Variants in CAST observed in about 807,000 individuals in gnomAD.
CAST encodes calpastatin.
CAST carries 76 observed loss-of-function variants against 119.6 expected under a neutral mutation model. The ratio of observed to expected loss-of-function variants is 0.64; its 90% CI spans 0.53 to 0.77. CAST has a LOEUF of 0.77. CAST is among the 30% of genes least tolerant of loss of function. The probability of loss-of-function intolerance (pLI) is 0.00; values close to 1 mark genes in which losing one functional copy is unlikely to be tolerated. For synonymous variants in CAST, 319 were observed against 331.6 expected (o/e 0.96, Z 0.41); for missense variants, 953 against 946.5 (o/e 1.01, Z -0.09).
chr5:96,292,198 A>T, the CAST span, among the ~76,000 whole-genome samples: 1 of 152,204 alleles, frequency 6.6e-6, no homozygotes, highest in African/African-American at 2.4e-5. Flanking sequence ...ATGTGAATAG[A>T]TGCTATCCAA....
chr5:96,384,656 G>A, the CAST span, among the ~76,000 whole-genome samples: 2 of 152,318 alleles, frequency 1.3e-5, no homozygotes, highest in Middle Eastern at 3.4e-3. Context: ...TCAGGAGCAT[G>A]GGGATTGTTA....
the CAST span, among the ~76,000 whole-genome samples, chr5:96,482,995 A>G: frequency 6.6e-6 from 1 of 152,298 alleles, no homozygotes; most frequent in Non-Finnish European, 1.5e-5. Flanking sequence ...CAGCCTACAA[A>G]ATAATAGTGT....
At chr5:96,358,071 G>A in the CAST span, among the ~76,000 whole-genome samples, 92 of 152,234 alleles carry the variant, frequency 6.0e-4, no homozygotes, top group Middle Eastern at 3.4e-3. Context: ...GGGTGTGTGT[G>A]TCCAGGAATT....
chr5:96,655,741 A>C (rs1027005781), intron 1 of CAST, among the ~76,000 whole-genome samples: 5 of 152,264 alleles, frequency 3.3e-5, no homozygotes, highest in East Asian at 1.9e-4. Flanking sequence ...GTGAGTCATC[A>C]TCAACAGTTT....
chr5:96,765,328 A>G lies in CAST; in HGVS notation c.2037+3A>G. The G allele has an allele frequency of 1.2e-4, 1 of 8,666 alleles. No homozygotes were observed. The highest frequency in any genetic ancestry group is 2.3e-3 in the South Asian group (1 of 426). 0.5% of individuals were successfully genotyped at this position (8,666 alleles called of 1,614,324 possible). On this transcript the variant is annotated splice_donor_region_variant and intron_variant, in intron 26 of 31. Coordinates refer to ENST00000675179, the MANE Select transcript of CAST (RefSeq NM_001750.7). ...AACCAATGGAAGATAAAGTAAAGGT[A>G]AAAAAAAAAAAAAAAAAAAAAAAAA...
the CAST span, among the ~76,000 whole-genome samples, chr5:96,017,987 T>A: frequency 6.6e-6 from 1 of 152,184 alleles, no homozygotes; most frequent in Admixed American, 6.5e-5. Context: ...AGATGGTTAT[T>A]TAAGTTTATT....
the CAST span, among the ~76,000 whole-genome samples, chr5:96,376,211 G>A: frequency 1.3e-5 from 2 of 151,408 alleles, no homozygotes; most frequent in Non-Finnish European, 2.9e-5. Context: ...AAAATGGAGT[G>A]GAAAAATTCC....
the CAST span, among the ~76,000 whole-genome samples, chr5:96,479,468 T>TGG: frequency 1.4e-5 from 2 of 144,536 alleles, no homozygotes; most frequent in Non-Finnish European, 3.0e-5. Context: ...TTTTTTTTTT[T>TGG]GAGATGGAGT....
At chr5:96,487,297 C>T in the CAST span, among the ~76,000 whole-genome samples, 1 of 152,198 alleles carries the variant, frequency 6.6e-6, no homozygotes, top group African/African-American at 2.4e-5. Flanking sequence ...CAAGACTCTC[C>T]CTTGAGGCTA....
the CAST span, among the ~76,000 whole-genome samples, chr5:96,171,922 A>AC: frequency 0.012 from 1,704 of 143,620 alleles, 8 homozygotes; most frequent in Middle Eastern, 0.014. Flanking sequence ...GGAGGTCCCC[A>AC]CCCCCCCACG....
At position 96,767,788 on chromosome 5, in the gene CAST, TGTCA is replaced by T. The variant is rs58316175; in HGVS notation, c.2176-112_2176-109del. On this transcript the variant is annotated intron_variant, in intron 28 of 31. Coordinates refer to ENST00000675179, the MANE Select transcript of CAST (RefSeq NM_001750.7). ...ACAATACATTATTATTAATAAAGAA[TGTCA>T]GTCAGTTTTTTTCTTATAGAAACAT... 2.0e-3 allele frequency: 1,349 copies of T among 660,338 alleles called. 13 individuals are homozygous for T. In the African/African-American group the frequency reaches 0.021, roughly 10 times the overall value. 40.9% of individuals were successfully genotyped at this position (660,338 alleles called of 1,614,324 possible).
chr5:96,406,796 G>A, the CAST span, among the ~76,000 whole-genome samples: 5 of 152,200 alleles, frequency 3.3e-5, no homozygotes, highest in Non-Finnish European at 4.4e-5. Flanking sequence ...TCCTTATTAG[G>A]AAGGATAATA....
At chr5:96,147,701 A>G in the CAST span, among the ~76,000 whole-genome samples, 3 of 152,236 alleles carry the variant, frequency 2.0e-5, no homozygotes, top group African/African-American at 7.2e-5. Context: ...TAGCTGTTCT[A>G]TTGAAGACTG....
chr5:96,042,395 G>A, the CAST span, among the ~76,000 whole-genome samples: 3 of 152,110 alleles, frequency 2.0e-5, no homozygotes, highest in East Asian at 5.8e-4. Context: ...GTTTATTTCT[G>A]TGTTAAAGAT....
the CAST span, among the ~76,000 whole-genome samples, chr5:96,243,183 T>G: frequency 1.3e-5 from 2 of 152,038 alleles, no homozygotes; most frequent in African/African-American, 4.8e-5. Context: ...CAACTGTTTT[T>G]TTTTTTTTTT....
At chr5:96,325,104 C>A in the CAST span, among the ~76,000 whole-genome samples, 1 of 152,154 alleles carries the variant, frequency 6.6e-6, no homozygotes, top group African/African-American at 2.4e-5. Context: ...ACCTGAGAAG[C>A]TGAGGTGGGA....
the CAST span, among the ~76,000 whole-genome samples, chr5:96,059,532 T>A: frequency 6.6e-6 from 1 of 152,088 alleles, no homozygotes; most frequent in Non-Finnish European, 1.5e-5. Flanking sequence ...ATTTTAAGGG[T>A]TGTTAGATAC....
chr5:96,463,268 T>C, the CAST span, among the ~76,000 whole-genome samples: 2 of 152,132 alleles, frequency 1.3e-5, no homozygotes, highest in Non-Finnish European at 2.9e-5. Flanking sequence ...TGTAATACAT[T>C]GATGGTACAC....
At chr5:96,520,397 GTTCT>G (rs1745495726), upstream of CAST, among the ~76,000 whole-genome samples, 1 of 152,210 alleles carries the variant, frequency 6.6e-6, no homozygotes, top group Admixed American at 6.5e-5. Context: ...TTCCAACAAT[GTTCT>G]GAACACATAC....
Sources: allele counts gnomAD v4.1 joint callset (sites outside exome capture counted in the v4.1 genomes callset), GRCh38; gene constraint gnomAD v4.1.1; transcripts MANE v1.5; gene names NCBI Gene and HGNC (gene_info 2026-07-23, HGNC 2026-07-21).